TYR: variants seen among roughly 807,000 people sequenced by gnomAD.
TYR encodes the protein LB24-AB.
A neutral mutation model predicts 51.5 loss-of-function variants in TYR; 58 were observed. That is an observed-to-expected ratio of 1.13 (90% CI 0.91 to 1.40). The LOEUF is 1.40. TYR is among the 40% of genes most tolerant of loss of function. TYR has a pLI of 0.00. For synonymous variants in TYR, 263 were observed against 235.2 expected (o/e 1.12, Z -1.08); for missense variants, 732 against 647.4 (o/e 1.13, Z -1.42).
intron 3 of TYR, among the ~76,000 whole-genome samples, chr11:89,228,877 A>C (rs183978589): frequency 7.2e-5 from 11 of 152,218 alleles, no homozygotes; most frequent in Admixed American, 6.6e-4. Context: ...TGAAATTTTC[A>C]AGAAGAAAGG....
chr11:89,196,296 G>A (rs1215300144), intron 2 of TYR, among the ~76,000 whole-genome samples: 1 of 152,068 alleles, frequency 6.6e-6, no homozygotes, highest in Non-Finnish European at 1.5e-5. Flanking sequence ...GGAAAGGGGA[G>A]GATGGAAAAT....
At chr11:89,202,149 A>G (rs1943605598) in intron 2 of TYR, among the ~76,000 whole-genome samples, 1 of 152,092 alleles carries the variant, frequency 6.6e-6, no homozygotes, top group Non-Finnish European at 1.5e-5. Context: ...GTATTTATAT[A>G]TTAAACCTTA....
intron 3 of TYR, among the ~76,000 whole-genome samples, chr11:89,237,112 T>C (rs973839941): frequency 6.6e-6 from 1 of 152,204 alleles, no homozygotes; most frequent in African/African-American, 2.4e-5. Context: ...AGCACATTCT[T>C]TCTATGTCCC....
chr11:89,205,303 T>C (rs4290229), intron 2 of TYR, among the ~76,000 whole-genome samples: 28,897 of 152,088 alleles, frequency 0.19, 3,630 homozygotes, highest in African/African-American at 0.36. Flanking sequence ...GTGTTATTAG[T>C]GTCCTAGAAA....
intron 3 of TYR, among the ~76,000 whole-genome samples, chr11:89,280,225 C>T (rs757280994): frequency 1.3e-5 from 2 of 151,706 alleles, no homozygotes; most frequent in Non-Finnish European, 3.0e-5. Context: ...CGAGGAACCC[C>T]AGTTCCCTTT....
chr11:89,184,813 T>C (rs1565389290), intron 1 of TYR, among the ~76,000 whole-genome samples: 1 of 152,128 alleles, frequency 6.6e-6, no homozygotes, highest in Admixed American at 6.5e-5. Context: ...GGAGCCCAAT[T>C]TTTTCTCTAC....
chr11:89,220,655 G>A (rs1943897853), intron 2 of TYR, among the ~76,000 whole-genome samples: 1 of 152,120 alleles, frequency 6.6e-6, no homozygotes, highest in African/African-American at 2.4e-5. Flanking sequence ...TCAGAACGCT[G>A]AGGCAGAAAA....
intron 3 of TYR, among the ~76,000 whole-genome samples, chr11:89,267,493 A>G (rs926003845): frequency 1.3e-5 from 2 of 151,968 alleles, no homozygotes; most frequent in Admixed American, 1.3e-4. Context: ...ATTTTACTAC[A>G]TACATTTCCT....
chr11:89,227,634 TC>T (rs1943993076), intron 2 of TYR, among the ~76,000 whole-genome samples, 188 bp from the exon 3 acceptor site: 1 of 152,114 alleles, frequency 6.6e-6, no homozygotes, highest in Non-Finnish European at 1.5e-5. Context: ...GCCATTTAAT[TC>T]CACAAATATT....
chr11:89,207,651 G>A (rs1470274510), intron 2 of TYR, among the ~76,000 whole-genome samples: 1 of 152,098 alleles, frequency 6.6e-6, no homozygotes, highest in East Asian at 1.9e-4. Flanking sequence ...ATAAAAGGAT[G>A]CCAAGAAAAT....
chr11:89,214,517 C>T (rs886857698), intron 2 of TYR, among the ~76,000 whole-genome samples: 6 of 152,158 alleles, frequency 3.9e-5, no homozygotes, highest in African/African-American at 1.2e-4. Context: ...TTTCACCCAG[C>T]GATCCCATTA....
At chr11:89,184,040 G>C (rs1943335053) in intron 1 of TYR, among the ~76,000 whole-genome samples, 1 of 152,038 alleles carries the variant, frequency 6.6e-6, no homozygotes, top group African/African-American at 2.4e-5. Flanking sequence ...TTGGAAACCA[G>C]GTCTTTCTGA....
chr11:89,200,042 A>C, intron 2 of TYR, among the ~76,000 whole-genome samples: 1 of 152,230 alleles, frequency 6.6e-6, no homozygotes, highest in East Asian at 1.9e-4. Context: ...TATTGCAAAT[A>C]AAATTTATAA....
At chr11:89,270,103 C>T (rs1263322237) in intron 3 of TYR, among the ~76,000 whole-genome samples, 1 of 151,914 alleles carries the variant, frequency 6.6e-6, no homozygotes, top group African/African-American at 2.4e-5. Context: ...ACCTTTCATG[C>T]AAACCCTACA....
rs1318835035 is a variant in TYR at position 89,254,257 on chromosome 11, G to A, written c.1184+26287G>A. On this transcript the variant is annotated intron_variant, in intron 3 of 4. Transcript: ENST00000263321. ...TTTTGTTAAGCATTTTTGTATCTAT[G>A]TTCACCAGGGATATTGGTCTGTAGT... Among the ~76,000 whole-genome samples the A allele has an allele frequency of 2.6e-5, 4 of 151,804 alleles. No individual in the cohort carries two copies. In the East Asian group the frequency reaches 7.8e-4, roughly 29 times the overall value.
intron 3 of TYR, among the ~76,000 whole-genome samples, chr11:89,244,594 C>G (rs1466634077): frequency 2.0e-5 from 3 of 152,182 alleles, no homozygotes; most frequent in Non-Finnish European, 4.4e-5. Flanking sequence ...CTTTTATGTG[C>G]ATAGCCTTCC....
At chr11:89,201,863 C>T (rs72963149) in intron 2 of TYR, among the ~76,000 whole-genome samples, 10,473 of 152,132 alleles carry the variant, frequency 0.069, 458 homozygotes, top group African/African-American at 0.12. Context: ...AAAATAAGGG[C>T]ATCTGGGAAG....
At chr11:89,280,183 T>C (rs1240524600) in intron 3 of TYR, among the ~76,000 whole-genome samples, 2 of 151,758 alleles carry the variant, frequency 1.3e-5, no homozygotes, top group East Asian at 3.9e-4. Flanking sequence ...CTTGTATATT[T>C]CTTACCCCAG....
chr11:89,195,841 T>C (rs1943512264), intron 2 of TYR, among the ~76,000 whole-genome samples: 1 of 152,180 alleles, frequency 6.6e-6, no homozygotes, highest in Non-Finnish European at 1.5e-5. Context: ...AAACTCTCTA[T>C]CCATTATGTC....
Sources: gnomAD v4.1 joint callset for allele counts (sites outside exome capture counted in the v4.1 genomes callset) on GRCh38, gnomAD v4.1.1 for gene constraint, MANE v1.5 for transcripts, NCBI Gene and HGNC (gene_info 2026-07-23, HGNC 2026-07-21) for gene names.